The following CIDEB variants were observed in gnomAD, a reference collection of about 807,000 sequenced individuals.
The protein encoded by CIDEB is lipid transferase CIDEB.
A neutral mutation model predicts 22.4 loss-of-function variants in CIDEB; 27 were observed. That is an observed-to-expected ratio of 1.21 (90% CI 0.89 to 1.66). CIDEB has a LOEUF of 1.66. Ranked by LOEUF, CIDEB falls within the 40% of genes most tolerant of loss-of-function variation. The pLI, the probability that CIDEB is intolerant of heterozygous loss-of-function variation, is 0.00. For synonymous variants in CIDEB, 103 were observed against 109.5 expected, an observed-to-expected ratio of 0.94 and a Z score of 0.37; for missense variants, 289 against 268.7, an observed-to-expected ratio of 1.08 and a Z score of -0.53.
chr14:24,307,835 G>A lies in CIDEB; in HGVS notation c.24C>T (p.Asn8=). 1 of 1,595,570 alleles carries A rather than the reference G, an allele frequency of 6.3e-7. No homozygotes were observed. The highest frequency in any genetic ancestry group is 8.5e-7 in the Non-Finnish European group (1 of 1,170,722). MEYLSAL[N]PSDLLRSVSN... is the part of the protein sequence containing the mutation. Reference sequence around the variant, plus strand: ...GCAGTCACCTGAGTAAGTCACTGGGGTTCAGAGCTGAGAGGTACTCCATGG... The same window carrying A: ...GCAGTCACCTGAGTAAGTCACTGGGATTCAGAGCTGAGAGGTACTCCATGG... Residue 8 remains asparagine, a synonymous_variant, in exon 1 of 5, where the codon AAC becomes AAT. Coordinates refer to ENST00000554411, the MANE Select transcript of CIDEB (RefSeq NM_001393339.1).
chr14:24,305,838 G>A (rs1195207996), intron 4 of CIDEB, 73 bp from the exon 5 acceptor site: 2 of 1,592,806 alleles, frequency 1.3e-6, no homozygotes, highest in East Asian at 2.2e-5. Context: ...TGGGAGATGA[G>A]GACTTTCCAC....
At chr14:24,311,188 C>T (rs146489502), upstream of CIDEB, 77 of 1,607,842 alleles carry the variant, frequency 4.8e-5, no homozygotes, top group African/African-American at 8.3e-4. Context: ...CACCCGTCGC[C>T]GGTCCACGCC....
chr14:24,308,738 A>T (rs1475303619), upstream of CIDEB: 2 of 152,216 alleles, frequency 1.3e-5, no homozygotes, highest in Non-Finnish European at 2.9e-5. Flanking sequence ...TGAGACTCTC[A>T]CTGACAGTGA....
intron 2 of CIDEB, chr14:24,307,033 G>A (rs2139148025): frequency 3.7e-6 from 1 of 273,160 alleles, no homozygotes; most frequent in Non-Finnish European, 7.0e-6. Flanking sequence ...TGAGGTTTTG[G>A]TAGGTTGAAC....
chr14:24,311,400 C>T (rs758887771), upstream of CIDEB: 1 of 1,602,246 alleles, frequency 6.2e-7, no homozygotes, highest in South Asian at 1.1e-5. Flanking sequence ...AGTCAACCTT[C>T]TGCAGGCGGT....
At chr14:24,309,347 T>C (rs1169560678), upstream of CIDEB, 1 of 152,212 alleles carries the variant, frequency 6.6e-6, no homozygotes, top group Non-Finnish European at 1.5e-5. Flanking sequence ...AAGCTCTGCT[T>C]TGGAAGAACC....
At chr14:24,311,206 A>G, upstream of CIDEB, 1 of 1,608,828 alleles carries the variant, frequency 6.2e-7, no homozygotes, top group Non-Finnish European at 8.5e-7. Context: ...GCCGCCGCCC[A>G]CCTGAGCCTG....
In CIDEB at chr14:24,306,485, C is replaced by G. The variant is rs1245982643; in HGVS notation, c.225G>C (p.Leu75=). 1 of 1,614,234 alleles carries G rather than the reference C, an allele frequency of 6.2e-7. No homozygotes were observed. Among genetic ancestry groups the G allele is most frequent in the South Asian group, 1.1e-5 (1 of 91,086 alleles). ...CTGCAGTTCCATCCTCCTCTAGCAC[C>G]AGGGTTAGCACTCCATTCAGCAGTA... ...ETLLLNGVLT[L]VLEEDGTAVD... The change falls in exon 3 of 5, where the codon CTG becomes CTC. Residue 75 remains leucine, a synonymous_variant. Coordinates refer to ENST00000554411, the MANE Select transcript of CIDEB (RefSeq NM_001393339.1).
At position 24,306,392 on chromosome 14, in the gene CIDEB, C is replaced by T. The variant is rs1566416643; in HGVS notation, c.318G>A (p.Gln106=). The change falls in exon 3 of 5, where the codon CAG becomes CAA. Residue 106 remains glutamine (Q), a synonymous_variant. Transcript: ENST00000554411. ...DTCLMVLQSG[Q]SWSPTRSGVL... is the part of the protein sequence containing the mutation. ...CTCTTACCCTTGTAGGGCTCCAGCT[C>T]TGACCAGACTGCAACACCATCAGGC... is the stretch of plus-strand genomic sequence containing the variant. 1 of 1,614,252 alleles carries T rather than the reference C, an allele frequency of 6.2e-7. No homozygotes were observed.
At position 24,307,829 on chromosome 14, in the gene CIDEB, A is replaced by G. The variant is rs766438053; in HGVS notation, c.30T>C (p.Ser10=). 1.9e-6 allele frequency: 3 copies of G among 1,595,600 alleles called. No homozygotes were observed. The African/African-American group carries it at 4.0e-5, about 21-fold the overall frequency. The change falls in exon 1 of 5, where the codon AGT becomes AGC. Residue 10 remains serine, a synonymous_variant. Coordinates refer to ENST00000554411, the MANE Select transcript of CIDEB (RefSeq NM_001393339.1). MEYLSALNP[S]DLLRSVSNIS... is the part of the protein sequence containing the mutation. ...GGGTTAGCAGTCACCTGAGTAAGTC[A>G]CTGGGGTTCAGAGCTGAGAGGTACT...
At chr14:24,311,373 TG>T, upstream of CIDEB, 1 of 1,603,880 alleles carries the variant, frequency 6.2e-7, no homozygotes, top group Non-Finnish European at 8.5e-7. Flanking sequence ...CGGCTTGCTC[TG>T]GGCCCCCTAC....
chr14:24,311,397 C>A (rs750887385), upstream of CIDEB: 18 of 1,602,416 alleles, frequency 1.1e-5, no homozygotes, highest in Non-Finnish European at 1.4e-5. Flanking sequence ...CGCAGTCAAC[C>A]TTCTGCAGGC....
chr14:24,311,031 G>T (rs1343038087), upstream of CIDEB: 3 of 1,581,970 alleles, frequency 1.9e-6, no homozygotes, highest in Non-Finnish European at 2.6e-6. Context: ...CTGCCTCGCA[G>T]TCACCCGCCC....
upstream of CIDEB, chr14:24,310,623 C>A (rs1210367600): frequency 1.2e-6 from 2 of 1,604,580 alleles, no homozygotes; most frequent in East Asian, 2.2e-5. Context: ...CACCCCTGAA[C>A]GCCCTCTGTG....
At chr14:24,311,019 C>G, upstream of CIDEB, 1 of 1,584,516 alleles carries the variant, frequency 6.3e-7, no homozygotes, top group Non-Finnish European at 8.5e-7. Context: ...CAGCCTGCAG[C>G]GCTGCCTCGC....
rs988071279 is a variant in CIDEB at position 24,307,909 on chromosome 14, C to T, written c.-51G>A. 7 of 1,502,852 alleles carry T rather than the reference C, an allele frequency of 4.7e-6. No individual in the cohort carries two copies. The African/African-American group carries it at 8.3e-5, about 18-fold the overall frequency. The allele number at this position is 1,502,852 out of a possible 1,614,324, so 93.1% of individuals were successfully genotyped here. ...GAACTTCTGGGCTGGGTGGTTCTCT[C>T]CTGTGCTGGGGCTTTAGTGGTGTTT... On this transcript the variant is annotated 5_prime_UTR_variant, in exon 1 of 5. Coordinates refer to ENST00000554411, the MANE Select transcript of CIDEB (RefSeq NM_001393339.1).
chr14:24,305,910 G>A (rs763090503), intron 4 of CIDEB, 37 bp downstream of exon 4: 2 of 1,598,618 alleles, frequency 1.3e-6, no homozygotes, highest in South Asian at 1.1e-5. Context: ...CTATCCAACT[G>A]TAGGGGATGG....
rs540237841 is a variant in CIDEB at position 24,305,288 on chromosome 14, C to T, written c.*345G>A. The stretch of plus-strand genomic sequence containing the variant: ...AGGTAAAGTCAGAGAGGGCTGTCAT[C>T]AGTATGCTGGGGAGTTTAGGGACAG... On this transcript the variant is annotated 3_prime_UTR_variant, in exon 5 of 5. Coordinates refer to ENST00000554411, the MANE Select transcript of CIDEB (RefSeq NM_001393339.1). 38 of 622,642 alleles carry T rather than the reference C, an allele frequency of 6.1e-5. No homozygotes were observed. In the South Asian group the frequency reaches 1.1e-3, roughly 19 times the overall value. 38.6% of individuals were successfully genotyped at this position (622,642 alleles called of 1,614,324 possible).
Position 24,307,933 on chromosome 14 carries a change from T to C in CIDEB, c.-75A>G, listed in dbSNP as rs2041571536. 2.1e-5 allele frequency: 28 copies of C among 1,340,164 alleles called. No individual in the cohort carries two copies. The Middle Eastern group carries it at 9.0e-4, about 43-fold the overall frequency. The allele number at this position is 1,340,164 out of a possible 1,614,324, so 83.0% of individuals were successfully genotyped here. ...TCCTGTGCTGGGGCTTTAGTGGTGT[T>C]TTCTGTTACAAACCTGGGATCTCAG... is the stretch of plus-strand genomic sequence containing the variant. On this transcript the variant is annotated 5_prime_UTR_variant, in exon 1 of 5. Transcript: ENST00000554411.
Sources: allele counts gnomAD v4.1 joint callset, GRCh38; gene constraint gnomAD v4.1.1; transcripts MANE v1.5; gene names NCBI Gene and HGNC (gene_info 2026-07-23, HGNC 2026-07-21).